SPMAP2L: variants seen among roughly 807,000 people sequenced by gnomAD.
SPMAP2L encodes sperm microtubule associated protein 2 like.
chr4:56,589,958 C>T, the SPMAP2L span, among the ~76,000 whole-genome samples: 37 of 152,200 alleles, frequency 2.4e-4, no homozygotes, highest in East Asian at 7.1e-3. Flanking sequence ...TCATGTCATG[C>T]AAACAGTAAC....
the SPMAP2L span, among the ~76,000 whole-genome samples, chr4:56,590,891 T>C: frequency 3.4e-4 from 52 of 152,154 alleles, no homozygotes; most frequent in East Asian, 8.3e-3. Context: ...ACTAGTACTT[T>C]GTTGTGTCGT....
At chr4:56,580,959 C>T in the SPMAP2L span, among the ~76,000 whole-genome samples, 1 of 152,102 alleles carries the variant, frequency 6.6e-6, no homozygotes. Flanking sequence ...ACACATTCTA[C>T]AGTATCGATG....
At chr4:56,592,285 T>C in the SPMAP2L span, among the ~76,000 whole-genome samples, 3 of 152,218 alleles carry the variant, frequency 2.0e-5, no homozygotes, top group African/African-American at 7.2e-5. Context: ...GTGAAACTGG[T>C]CCCTGGTGTC....
chr4:56,625,478 C>A, the SPMAP2L span, among the ~76,000 whole-genome samples: 1 of 152,062 alleles, frequency 6.6e-6, no homozygotes, highest in Non-Finnish European at 1.5e-5. Flanking sequence ...TGTTCCCACC[C>A]AAATCTCAAC....
chr4:56,593,523 C>CT, the SPMAP2L span: 2 of 1,598,982 alleles, frequency 1.3e-6, no homozygotes, highest in Non-Finnish European at 1.7e-6. Context: ...GGAGCCTGGC[C>CT]TGCTGTGTGT....
chr4:56,611,826 A>G, the SPMAP2L span, among the ~76,000 whole-genome samples: 1 of 152,168 alleles, frequency 6.6e-6, no homozygotes, highest in African/African-American at 2.4e-5. Flanking sequence ...TCCCTAAGCC[A>G]ATCACGTAAG....
chr4:56,579,944 G>T, the SPMAP2L span, among the ~76,000 whole-genome samples: 4 of 152,154 alleles, frequency 2.6e-5, no homozygotes, highest in Non-Finnish European at 5.9e-5. Flanking sequence ...TTAATAAAAA[G>T]CTTCCTATGA....
At chr4:56,530,774 A>C in the SPMAP2L span, 1 of 1,535,410 alleles carries the variant, frequency 6.5e-7, no homozygotes, top group Non-Finnish European at 8.7e-7. Context: ...GTCTTCCAGA[A>C]GCCCATTGTG....
At chr4:56,540,630 GAAGAAAGAGA>G in the SPMAP2L span, among the ~76,000 whole-genome samples, 1 of 151,404 alleles carries the variant, frequency 6.6e-6, no homozygotes, top group African/African-American at 2.4e-5. Context: ...GAAAAGAAAG[GAAGAAAGAGA>G]AAGAAAGAAA....
At chr4:56,611,351 T>G in the SPMAP2L span, among the ~76,000 whole-genome samples, 1 of 152,072 alleles carries the variant, frequency 6.6e-6, no homozygotes, top group Non-Finnish European at 1.5e-5. Context: ...GGAGTGTATG[T>G]TCTCATAGGT....
At chr4:56,615,178 C>A in the SPMAP2L span, among the ~76,000 whole-genome samples, 1 of 152,172 alleles carries the variant, frequency 6.6e-6, no homozygotes, top group Non-Finnish European at 1.5e-5. Flanking sequence ...ACCTCCTCAG[C>A]GTTGGTGCTT....
At chr4:56,588,734 T>G in the SPMAP2L span, among the ~76,000 whole-genome samples, 1 of 152,054 alleles carries the variant, frequency 6.6e-6, no homozygotes, top group Non-Finnish European at 1.5e-5. Flanking sequence ...TCCAGCCATC[T>G]TCTAGAATTT....
the SPMAP2L span, among the ~76,000 whole-genome samples, chr4:56,592,249 C>T: frequency 6.6e-6 from 1 of 152,220 alleles, no homozygotes; most frequent in Non-Finnish European, 1.5e-5. Flanking sequence ...CTTTTCCCAA[C>T]ACTGCCCATG....
chr4:56,593,588 G>A, the SPMAP2L span: 1 of 1,603,960 alleles, frequency 6.2e-7, no homozygotes, highest in Admixed American at 1.7e-5. Flanking sequence ...ATTTGGGGTA[G>A]ACATCGCCTT....
chr4:56,548,902 C>T, the SPMAP2L span: 2 of 1,000,310 alleles, frequency 2.0e-6, no homozygotes, highest in Non-Finnish European at 1.3e-6. Flanking sequence ...ATTCATTTGA[C>T]GTGGGTCTAC....
the SPMAP2L span, among the ~76,000 whole-genome samples, chr4:56,553,257 C>T: frequency 8.4e-6 from 1 of 119,582 alleles, no homozygotes; most frequent in Non-Finnish European, 1.6e-5. Context: ...GTGGTGCAAT[C>T]ATGGCTTACT....
chr4:56,552,563 A>G, the SPMAP2L span: 1 of 1,522,816 alleles, frequency 6.6e-7, no homozygotes, highest in Non-Finnish European at 8.8e-7. Flanking sequence ...TCTTCTAGGA[A>G]GAGAACCCCA....
At chr4:56,621,031 T>C in the SPMAP2L span, among the ~76,000 whole-genome samples, 2 of 152,130 alleles carry the variant, frequency 1.3e-5, no homozygotes, top group Admixed American at 6.6e-5. Flanking sequence ...TTACAAATCT[T>C]ATAAAAATGT....
chr4:56,540,048 TTTC>T, the SPMAP2L span, among the ~76,000 whole-genome samples: 1 of 152,212 alleles, frequency 6.6e-6, no homozygotes, highest in African/African-American at 2.4e-5. Flanking sequence ...TCCTGAACAC[TTTC>T]TAGATTCACT....
Sources: allele counts gnomAD v4.1 joint callset (sites outside exome capture counted in the v4.1 genomes callset), GRCh38; gene constraint gnomAD v4.1.1; transcripts MANE v1.5; gene names NCBI Gene and HGNC (gene_info 2026-07-23, HGNC 2026-07-21).